Variants in SAMD8 observed in about 807,000 individuals in gnomAD.
SAMD8 encodes sphingomyelin synthase-related protein 1.
SAMD8 carries 20 observed loss-of-function variants against 42.0 expected under a neutral mutation model. The ratio of observed to expected loss-of-function variants is 0.48; its 90% CI spans 0.34 to 0.69. SAMD8 has a LOEUF of 0.69. Among genes scored for constraint, SAMD8 ranks in the 30% least tolerant of loss-of-function variants. SAMD8 has a pLI of 0.01. For missense variants in SAMD8, 328 were observed against 511.6 expected (o/e 0.64, Z 3.46); for synonymous variants, 162 against 173.0 (o/e 0.94, Z 0.50).
intron 3 of SAMD8, among the ~76,000 whole-genome samples, chr10:75,165,089 G>A (rs1490337853): frequency 2.6e-5 from 4 of 151,990 alleles, no homozygotes; most frequent in Non-Finnish European, 4.4e-5. Context: ...TTAGGAGTTC[G>A]AGACCAGCCT....
In SAMD8 at chr10:75,164,718, GTTC is replaced by G. The variant is rs769549557; in HGVS notation, c.662_664del (p.Leu221del). The stretch of plus-strand genomic sequence containing the variant: ...GATTCTGTGCTATATTTGGCTCCTG[GTTC>G]TTCTTCTTCACAAGCACAGGTACCT... On this transcript the variant is annotated inframe_deletion, in exon 3 of 6. Coordinates refer to ENST00000542569, the MANE Select transcript of SAMD8 (RefSeq NM_001174156.2). 55 of 1,613,498 alleles carry G rather than the reference GTTC, an allele frequency of 3.4e-5. No homozygotes were observed. The highest frequency in any genetic ancestry group is 4.2e-5 in the Non-Finnish European group (49 of 1,179,666).
chr10:75,153,710 T>A (rs1214048098), intron 2 of SAMD8, among the ~76,000 whole-genome samples: 1 of 152,044 alleles, frequency 6.6e-6, no homozygotes, highest in Non-Finnish European at 1.5e-5. Context: ...GCCAGAATAA[T>A]GTATACATCT....
intron 1 of SAMD8, among the ~76,000 whole-genome samples, chr10:75,136,565 A>T (rs991348006): frequency 6.6e-5 from 10 of 152,192 alleles, no homozygotes; most frequent in African/African-American, 2.4e-4. Context: ...GTAATCAGTC[A>T]GGGTTCACTT....
Position 75,137,325 on chromosome 10 carries a change from A to C in SAMD8, c.-15-13189A>C, listed in dbSNP as rs191413251. 8.5e-5 allele frequency among the ~76,000 whole-genome samples: 13 copies of C among 152,282 alleles called. 1 individual carries two copies. In the East Asian group the frequency reaches 2.5e-3, roughly 29 times the overall value. On this transcript the variant is annotated intron_variant, in intron 1 of 5. Transcript: ENST00000542569. Reference sequence around the variant, plus strand: ...GAGGCCGAGGTGGGTGGATCATTTGAGGTCAGGAGTTCGAGACCAGCCTGG... The same window carrying C: ...GAGGCCGAGGTGGGTGGATCATTTGCGGTCAGGAGTTCGAGACCAGCCTGG...
At chr10:75,139,771 T>C (rs1300054742) in intron 1 of SAMD8, among the ~76,000 whole-genome samples, 1 of 152,226 alleles carries the variant, frequency 6.6e-6, no homozygotes, top group Non-Finnish European at 1.5e-5. Context: ...ACTTGCAGAC[T>C]AAAAACCCTA....
upstream of SAMD8, among the ~76,000 whole-genome samples, chr10:75,110,004 G>C (rs1564671454): frequency 6.6e-6 from 1 of 152,152 alleles, no homozygotes; most frequent in Non-Finnish European, 1.5e-5. Context: ...TTTTAGTAGA[G>C]ATGGGGTTTT....
chr10:75,174,158 G>A (rs1840935349), intron 4 of SAMD8, among the ~76,000 whole-genome samples: 1 of 152,060 alleles, frequency 6.6e-6, no homozygotes, highest in African/African-American at 2.4e-5. Context: ...CTGTCGCCCA[G>A]GCTAGAGTGT....
chr10:75,179,327 A>G lies in SAMD8; in HGVS notation c.*2635A>G, dbSNP rs918926024. The G allele has an allele frequency of 1.3e-5, 2 of 152,234 alleles. No homozygotes were observed. The highest frequency in any genetic ancestry group is 6.5e-5 in the Admixed American group (1 of 15,276). 9.4% of individuals were successfully genotyped at this position (152,234 alleles called of 1,614,324 possible). On this transcript the variant is annotated 3_prime_UTR_variant, in exon 6 of 6. Coordinates refer to ENST00000542569, the MANE Select transcript of SAMD8 (RefSeq NM_001174156.2). ...ATGCCACTGCACTCCAGCCTTGGGG[A>G]CAGAGTGAGACCCTGCCTCAATCAA...
intron 1 of SAMD8, among the ~76,000 whole-genome samples, chr10:75,121,257 G>A (rs1438814581): frequency 2.6e-5 from 4 of 152,322 alleles, no homozygotes; most frequent in African/African-American, 7.2e-5. Flanking sequence ...ATAACTGTGA[G>A]TGGTAAATCC....
upstream of SAMD8, among the ~76,000 whole-genome samples, chr10:75,107,423 T>C (rs1052441142): frequency 6.6e-6 from 1 of 151,498 alleles, no homozygotes; most frequent in South Asian, 2.1e-4. Context: ...CAAAGTTGAG[T>C]GTTGCAGAGA....
chr10:75,159,613 A>T (rs1001689017), intron 2 of SAMD8, among the ~76,000 whole-genome samples: 1 of 152,188 alleles, frequency 6.6e-6, no homozygotes, highest in Non-Finnish European at 1.5e-5. Flanking sequence ...TTGGAGAGAA[A>T]GCCAAAAAAT....
At chr10:75,122,920 A>G (rs1354053540) in intron 1 of SAMD8, among the ~76,000 whole-genome samples, 1 of 152,100 alleles carries the variant, frequency 6.6e-6, no homozygotes, top group African/African-American at 2.4e-5. Context: ...TTGATTTTCA[A>G]ATATTGAACC....
intron 1 of SAMD8, among the ~76,000 whole-genome samples, chr10:75,116,184 G>T (rs1037014503): frequency 2.0e-4 from 31 of 151,918 alleles, no homozygotes; most frequent in African/African-American, 7.5e-4. Context: ...ATGCAGCCTT[G>T]AACTCCTGGG....
chr10:75,145,543 G>C (rs1424351472), intron 1 of SAMD8, among the ~76,000 whole-genome samples: 1 of 152,158 alleles, frequency 6.6e-6, no homozygotes, highest in Non-Finnish European at 1.5e-5. Flanking sequence ...TACTTGAACA[G>C]AGTTTGATCC....
upstream of SAMD8, chr10:75,108,068 G>A (rs1848624900): frequency 1.2e-6 from 2 of 1,613,908 alleles, no homozygotes; most frequent in South Asian, 1.1e-5. Flanking sequence ...AATCAGGGAG[G>A]TCGTGGGCTG....
chr10:75,105,710 A>G, intron 1 of SAMD8: 1 of 1,552,824 alleles, frequency 6.4e-7, no homozygotes, highest in Admixed American at 1.9e-5. Context: ...TCCAGCCTGC[A>G]GAGCTGGTGC....
At chr10:75,163,323 C>T (rs982019340) in intron 2 of SAMD8, among the ~76,000 whole-genome samples, 1 of 152,190 alleles carries the variant, frequency 6.6e-6, no homozygotes, top group East Asian at 1.9e-4. Context: ...ATAAAAGAAA[C>T]GTCAATAATT....
intron 2 of SAMD8, among the ~76,000 whole-genome samples, chr10:75,163,128 T>C (rs940487378): frequency 3.9e-5 from 6 of 152,202 alleles, no homozygotes; most frequent in African/African-American, 1.2e-4. Context: ...GGTTTAACCA[T>C]GTGGGCCAGG....
At chr10:75,108,825 G>C (rs1190933365), upstream of SAMD8, among the ~76,000 whole-genome samples, 1 of 152,182 alleles carries the variant, frequency 6.6e-6, no homozygotes, top group Non-Finnish European at 1.5e-5. Context: ...TGCTCTCCCT[G>C]GTGGCCATAC....
Sources: allele counts gnomAD v4.1 joint callset (sites outside exome capture counted in the v4.1 genomes callset), GRCh38; gene constraint gnomAD v4.1.1; transcripts MANE v1.5; gene names NCBI Gene and HGNC (gene_info 2026-07-23, HGNC 2026-07-21).